Variants in PDGFRA observed in about 807,000 individuals in gnomAD.
PDGFRA encodes platelet-derived growth factor receptor alpha.
PDGFRA carries 25 observed loss-of-function variants against 121.5 expected under a neutral mutation model. The observed-to-expected ratio is 0.21, with a 90% CI of 0.15 to 0.29. PDGFRA has a LOEUF of 0.29. Among genes scored for constraint, PDGFRA ranks in the 10% least tolerant of loss-of-function variants. The pLI is 1.00. For missense variants in PDGFRA, 1,008 were observed against 1,345.1 expected, an observed-to-expected ratio of 0.75 and a Z score of 3.92; for synonymous variants, 463 against 494.8, an observed-to-expected ratio of 0.94 and a Z score of 0.85.
At chr4:54,248,016 G>A (rs1296222722) in intron 1 of PDGFRA, among the ~76,000 whole-genome samples, 13 of 152,276 alleles carry the variant, frequency 8.5e-5, no homozygotes, top group Admixed American at 5.9e-4. Flanking sequence ...TACAAGGGAC[G>A]TGAAGGACCT....
At chr4:54,267,797 T>TA in intron 7 of PDGFRA, 56 bp downstream of exon 7, 1 of 1,444,182 alleles carries the variant, frequency 6.9e-7, no homozygotes, top group East Asian at 2.3e-5. Context: ...AGAGGCGGAC[T>TA]GAGGTTTGTG....
chr4:54,243,498 C>A (rs1427327038), intron 1 of PDGFRA: 1 of 152,134 alleles, frequency 6.6e-6, no homozygotes, highest in African/African-American at 2.4e-5. Context: ...GAAGCATGAG[C>A]AAGTTGTGGA....
Position 54,288,914 on chromosome 4 carries a change from A to G in PDGFRA, c.2774+16A>G. ...CCAGTGAAGTGTGAGCTCCTTCCCC[A>G]TCCCGGGGGCCTGTGTTCACAGTCT... On this transcript the variant is annotated intron_variant, in intron 20 of 22. Coordinates refer to ENST00000257290, the MANE Select transcript of PDGFRA (RefSeq NM_006206.6). 5 of 1,566,878 alleles carry G rather than the reference A, an allele frequency of 3.2e-6. No individual in the cohort carries two copies. The highest frequency in any genetic ancestry group is 4.4e-6 in the Non-Finnish European group (5 of 1,136,758).
At chr4:54,257,312 A>T (rs58663022) in intron 1 of PDGFRA, among the ~76,000 whole-genome samples, 6,662 of 152,324 alleles carry the variant, frequency 0.044, 488 homozygotes, top group African/African-American at 0.15. Flanking sequence ...ATGCACCCTT[A>T]GTTTAGCATA....
intron 1 of PDGFRA, among the ~76,000 whole-genome samples, chr4:54,231,202 A>G (rs1011809612): frequency 3.3e-5 from 5 of 152,184 alleles, no homozygotes; most frequent in African/African-American, 1.2e-4. Flanking sequence ...CACTCACTCC[A>G]TCTTCCTGGG....
At chr4:54,267,187 T>C in intron 5 of PDGFRA, 102 bp from the exon 6 acceptor site, 1 of 1,121,024 alleles carries the variant, frequency 8.9e-7, no homozygotes, top group South Asian at 1.2e-5. Flanking sequence ...CTGCTGAACC[T>C]CCATTGACAC....
chr4:54,294,221 G>A (rs1724768713), intron 22 of PDGFRA, among the ~76,000 whole-genome samples: 10 of 151,810 alleles, frequency 6.6e-5, no homozygotes. Flanking sequence ...AAGTTTTGGG[G>A]GTCTGCGATG....
chr4:54,284,543 C>A (rs1171747474), intron 16 of PDGFRA, among the ~76,000 whole-genome samples: 1 of 138,614 alleles, frequency 7.2e-6, no homozygotes, highest in East Asian at 2.2e-4. Flanking sequence ...ATGGCCAGAG[C>A]AGGAGCAAGT....
chr4:54,267,244 G>C (rs1234332370), intron 5 of PDGFRA, 45 bp from the exon 6 acceptor site: 1 of 1,584,438 alleles, frequency 6.3e-7, no homozygotes. Context: ...TTCACTCCTA[G>C]GAGCGAGCTT....
At chr4:54,275,350 CA>C (rs977485111) in intron 12 of PDGFRA, among the ~76,000 whole-genome samples, 1 of 152,134 alleles carries the variant, frequency 6.6e-6, no homozygotes, top group African/African-American at 2.4e-5. Flanking sequence ...TATTTTGATT[CA>C]GTACATTCTG....
rs76062516 is a variant in PDGFRA at position 54,281,937 on chromosome 4, A to G, written c.2323+1455A>G. The G allele has an allele frequency of 3.2e-5, 36 of 1,117,446 alleles. No homozygotes were observed. In the East Asian group the frequency reaches 1.7e-3, roughly 52 times the overall value. The allele number at this position is 1,117,446 out of a possible 1,614,324, so 69.2% of individuals were successfully genotyped here. ...AACAAATTATAAGCAAAGTACTACAAAGGTGGCTTTAAAAAGAAAATAAAG... is the reference window on the plus strand; with the variant it reads ...AACAAATTATAAGCAAAGTACTACAGAGGTGGCTTTAAAAAGAAAATAAAG... On this transcript the variant is annotated intron_variant, in intron 16 of 22. Transcript: ENST00000257290.
chr4:54,259,195 G>A (rs1722548938), intron 2 of PDGFRA, among the ~76,000 whole-genome samples: 1 of 152,100 alleles, frequency 6.6e-6, no homozygotes. Flanking sequence ...TGTTGTCCCA[G>A]CCCCTTGAGC....
chr4:54,273,434 G>T, intron 9 of PDGFRA, 103 bp from the exon 10 acceptor site: 5 of 900,222 alleles, frequency 5.6e-6, no homozygotes, highest in South Asian at 1.3e-5. Context: ...CCGAAATGCA[G>T]ACAAGGTCCC....
At position 54,273,589 on chromosome 4, in the gene PDGFRA, A is replaced by G. The variant is rs587778594; in HGVS notation, c.1417A>G (p.Ile473Val). The change falls in exon 10 of 23, where the codon ATC becomes GTC. Residue 473 changes from isoleucine (I) to valine (V), a missense_variant. By Grantham distance (29) the Ile-to-Val change is conservative. Around this residue, in one of 5 missense-constraint regions of PDGFRA, gnomAD observed 575 missense variants for 701.8 expected, o/e 0.82. Transcript: ENST00000257290. ...TILANNVSNIITEIHSRDRST... is the reference protein window; with the variant it reads ...TILANNVSNIVTEIHSRDRST... Reference sequence around the variant, plus strand: ...TTTGGCCAACAATGTCTCAAACATCATCACGGAGATCCACTCCCGAGACAG... The same window carrying G: ...TTTGGCCAACAATGTCTCAAACATCGTCACGGAGATCCACTCCCGAGACAG... 4.3e-6 allele frequency: 7 copies of G among 1,614,182 alleles called. No individual in the cohort carries two copies. The highest frequency in any genetic ancestry group is 5.9e-6 in the Non-Finnish European group (7 of 1,180,018).
Position 54,288,841 on chromosome 4 carries a change from A to G in PDGFRA, c.2717A>G (p.Tyr906Cys), listed in dbSNP as rs2110344618. ...GGCATGATGGTGGATTCTACTTTCT[A>G]CAATAAGATCAAGAGTGGGTACCGG... ...YPGMMVDSTF[Y>C]NKIKSGYRMA... Residue 906 changes from tyrosine to cysteine, a missense_variant, in exon 20 of 23, where the codon TAC becomes TGC. Around this residue, in one of 5 missense-constraint regions of PDGFRA, gnomAD observed 204 missense variants for 243.0 expected, o/e 0.84. Coordinates refer to ENST00000257290, the MANE Select transcript of PDGFRA (RefSeq NM_006206.6). 6.2e-7 allele frequency: 1 copy of G among 1,613,636 alleles called. No homozygotes were observed. The highest frequency in any genetic ancestry group is 8.5e-7 in the Non-Finnish European group (1 of 1,179,546).
intron 3 of PDGFRA, among the ~76,000 whole-genome samples, chr4:54,262,686 A>C (rs182233830): frequency 6.6e-6 from 1 of 152,290 alleles, no homozygotes; most frequent in East Asian, 1.9e-4. Context: ...ATTAAAAAAA[A>C]CCAAAAACTT....
rs759936321 is a variant in PDGFRA, at chr4:54,273,621, C to T, written c.1449C>T (p.Thr483=). The change falls in exon 10 of 23, where the codon ACC becomes ACT. Residue 483 remains threonine, a synonymous_variant. Coordinates refer to ENST00000257290, the MANE Select transcript of PDGFRA (RefSeq NM_006206.6). Reference sequence around the variant, plus strand: ...AGATCCACTCCCGAGACAGGAGTACCGTGGAGGGCCGTGTGACTTTCGCCA... The same window carrying T: ...AGATCCACTCCCGAGACAGGAGTACTGTGGAGGGCCGTGTGACTTTCGCCA... The part of the protein sequence containing the change: ...ITEIHSRDRS[T]VEGRVTFAKV... The T allele has an allele frequency of 2.1e-5, 34 of 1,613,872 alleles. No homozygotes were observed. Among genetic ancestry groups the T allele is most frequent in the Non-Finnish European group, 2.6e-5 (31 of 1,179,900 alleles).
intron 1 of PDGFRA, among the ~76,000 whole-genome samples, chr4:54,235,623 TG>T (rs1451756352): frequency 2.0e-5 from 3 of 152,202 alleles, no homozygotes; most frequent in African/African-American, 7.2e-5. Context: ...AACAGGGTCA[TG>T]GGAGTGGACT....
chr4:54,263,501 G>A (rs1722862818), intron 3 of PDGFRA, among the ~76,000 whole-genome samples, 166 bp from the exon 4 acceptor site: 2 of 152,178 alleles, frequency 1.3e-5, no homozygotes, highest in African/African-American at 4.8e-5. Context: ...AAATCACTTT[G>A]TAGCTGTCAT....
Sources: allele counts gnomAD v4.1 joint callset (sites outside exome capture counted in the v4.1 genomes callset), GRCh38; gene constraint gnomAD v4.1.1; regional missense constraint gnomAD v4.1.1; transcripts MANE v1.5; gene names NCBI Gene and HGNC (gene_info 2026-07-23, HGNC 2026-07-21).